DPYD: variants seen among roughly 807,000 people sequenced by gnomAD.
DPYD encodes dihydropyrimidine dehydrogenase [NADP(+)].
A neutral mutation model predicts 116.2 loss-of-function variants in DPYD; 109 were observed. That is an observed-to-expected ratio of 0.94 (90% CI 0.80 to 1.10). The LOEUF (loss-of-function observed/expected upper bound fraction) is 1.10, where lower values mean the gene tolerates loss of function less well. Among genes scored for constraint, DPYD ranks in the 50% least tolerant of loss-of-function variants. The pLI, the probability that DPYD is intolerant of heterozygous loss-of-function variation, is 0.00. For synonymous variants in DPYD, 440 were observed against 432.0 expected (o/e 1.02, Z -0.23); for missense variants, 1,302 against 1,254.5 (o/e 1.04, Z -0.57).
intron 20 of DPYD, among the ~76,000 whole-genome samples, chr1:97,174,292 A>G (rs1285413854): frequency 6.6e-6 from 1 of 152,246 alleles, no homozygotes; most frequent in South Asian, 2.1e-4. Context: ...AGCAAAGCAC[A>G]TGGAAGGCCT....
intron 20 of DPYD, among the ~76,000 whole-genome samples, chr1:97,173,249 C>CATATATGCGCACACATATATGTACAT (rs1656894235): frequency 2.6e-5 from 3 of 116,738 alleles, no homozygotes; most frequent in African/African-American, 9.4e-5. Flanking sequence ...CATATATGTA[C>CATATATGCGCACACATATATGTACAT]ATATATGCAC....
chr1:97,608,984 T>G (rs879920844), intron 8 of DPYD, among the ~76,000 whole-genome samples: 6 of 151,904 alleles, frequency 3.9e-5, no homozygotes, highest in Non-Finnish European at 8.8e-5. Flanking sequence ...ACCACTCTAA[T>G]GATAGTATAG....
intron 11 of DPYD, among the ~76,000 whole-genome samples, chr1:97,568,589 A>G (rs1652690691): frequency 6.6e-6 from 1 of 152,014 alleles, no homozygotes; most frequent in Non-Finnish European, 1.5e-5. Flanking sequence ...TACCAGATAG[A>G]CTCTAATTAG....
intron 8 of DPYD, among the ~76,000 whole-genome samples, chr1:97,671,419 A>T (rs1246209110): frequency 2.0e-5 from 3 of 152,202 alleles, no homozygotes; most frequent in African/African-American, 7.2e-5. Context: ...ACTTGACATA[A>T]TTATAAGGCA....
chr1:97,915,547 G>A (rs1018104422), intron 1 of DPYD, among the ~76,000 whole-genome samples: 1 of 152,118 alleles, frequency 6.6e-6, no homozygotes, highest in Non-Finnish European at 1.5e-5. Context: ...ACACCCACAT[G>A]ACTGATATTT....
chr1:97,590,621 C>A lies in DPYD; in HGVS notation c.1128+2597G>T, dbSNP rs577297009. Among the ~76,000 whole-genome samples the A allele has an allele frequency of 6.4e-4, 97 of 152,244 alleles. 1 individual carries two copies. Among genetic ancestry groups the A allele is most frequent in the African/African-American group, 2.2e-3 (90 of 41,536 alleles). ...TTTGTTCTTCTAGTTTTAATTAAGA[C>A]CAGACCCATTTGAGTTCTACTAAGC... is the stretch of plus-strand genomic sequence containing the variant. On this transcript the variant is annotated intron_variant, in intron 10 of 22. Transcript: ENST00000370192.
At chr1:97,231,442 A>C (rs1018841718) in intron 19 of DPYD, among the ~76,000 whole-genome samples, 3 of 152,174 alleles carry the variant, frequency 2.0e-5, no homozygotes, top group African/African-American at 7.2e-5. Flanking sequence ...CCTCACAATC[A>C]TGTGGAAGGC....
intron 3 of DPYD, among the ~76,000 whole-genome samples, chr1:97,787,429 T>C (rs1485239777): frequency 4.6e-5 from 7 of 152,208 alleles, no homozygotes; most frequent in Non-Finnish European, 1.0e-4. Flanking sequence ...GCATTTAGAA[T>C]AATGGCAGTC....
chr1:97,846,170 G>C (rs545835889), intron 2 of DPYD, among the ~76,000 whole-genome samples: 1 of 152,282 alleles, frequency 6.6e-6, no homozygotes, highest in East Asian at 1.9e-4. Flanking sequence ...AGAGGTTTCC[G>C]GCTGGTGAAG....
intron 11 of DPYD, among the ~76,000 whole-genome samples, chr1:97,554,645 T>C (rs1230895860): frequency 6.6e-6 from 1 of 152,114 alleles, no homozygotes; most frequent in Admixed American, 6.6e-5. Context: ...GGCCAGGATA[T>C]CAGAGTTCTG....
At chr1:97,433,862 T>C (rs1040114217) in intron 14 of DPYD, among the ~76,000 whole-genome samples, 1 of 152,196 alleles carries the variant, frequency 6.6e-6, no homozygotes, top group Non-Finnish European at 1.5e-5. Flanking sequence ...ATTACTGTTA[T>C]ATGGTGTTAT....
At chr1:97,849,343 G>A (rs2101560222) in intron 2 of DPYD, among the ~76,000 whole-genome samples, 1 of 152,184 alleles carries the variant, frequency 6.6e-6, no homozygotes, top group South Asian at 2.1e-4. Context: ...TTTGTTCTAT[G>A]TATATGTATT....
chr1:97,179,651 T>A (rs916028428), intron 20 of DPYD, among the ~76,000 whole-genome samples: 2 of 152,092 alleles, frequency 1.3e-5, no homozygotes, highest in Non-Finnish European at 2.9e-5. Context: ...TATAAGGCAC[T>A]TCATAAACAG....
chr1:97,243,991 A>C (rs890760903), intron 18 of DPYD, among the ~76,000 whole-genome samples: 1 of 152,016 alleles, frequency 6.6e-6, no homozygotes, highest in Non-Finnish European at 1.5e-5. Context: ...AACCAAATTT[A>C]TGAGGAGCTT....
At chr1:97,768,153 T>G (rs550265392) in intron 3 of DPYD, among the ~76,000 whole-genome samples, 5 of 152,190 alleles carry the variant, frequency 3.3e-5, no homozygotes, top group African/African-American at 1.2e-4. Context: ...TATCTCTTCC[T>G]AATTATGAAA....
chr1:97,417,112 T>A (rs576909457), intron 14 of DPYD, among the ~76,000 whole-genome samples: 148 of 152,274 alleles, frequency 9.7e-4, no homozygotes, highest in Non-Finnish European at 1.6e-3. Context: ...GGCCATATAA[T>A]CTAGTAAAAG....
At chr1:97,267,661 C>T (rs1243556084) in intron 18 of DPYD, among the ~76,000 whole-genome samples, 1 of 150,644 alleles carries the variant, frequency 6.6e-6, no homozygotes, top group Non-Finnish European at 1.5e-5. Flanking sequence ...AGGAATCACC[C>T]TCATGAATGG....
At chr1:97,196,534 A>G (rs1658827458) in intron 19 of DPYD, among the ~76,000 whole-genome samples, 1 of 152,204 alleles carries the variant, frequency 6.6e-6, no homozygotes, top group African/African-American at 2.4e-5. Context: ...AATTGGCTGA[A>G]TGATTATGCG....
chr1:97,848,348 C>T (rs1474384122), intron 2 of DPYD, among the ~76,000 whole-genome samples: 1 of 152,212 alleles, frequency 6.6e-6, no homozygotes, highest in African/African-American at 2.4e-5. Context: ...CCACCCACCT[C>T]GGCTTCCAAA....
Sources: gnomAD v4.1 joint callset for allele counts (sites outside exome capture counted in the v4.1 genomes callset) on GRCh38, gnomAD v4.1.1 for gene constraint, MANE v1.5 for transcripts, NCBI Gene and HGNC (gene_info 2026-07-23, HGNC 2026-07-21) for gene names.